Variants in ABCB9 observed in about 807,000 individuals in gnomAD.
ABCB9 encodes the protein ATP binding cassette subfamily B member 9.
Under a neutral mutation model 62.0 loss-of-function variants are expected in ABCB9, and 36 were observed. The observed-to-expected ratio is 0.58, with a 90% CI of 0.45 to 0.77. The LOEUF is 0.77. Ranked by LOEUF, ABCB9 falls within the 30% of genes least tolerant of loss-of-function variation. ABCB9 has a pLI of 0.00. For missense variants in ABCB9, 943 were observed against 1,054.7 expected, an observed-to-expected ratio of 0.89 and a Z score of 1.47; for synonymous variants, 435 against 461.4, an observed-to-expected ratio of 0.94 and a Z score of 0.73.
intron 2 of ABCB9, among the ~76,000 whole-genome samples, chr12:122,954,052 C>T (rs556588127): frequency 2.9e-4 from 44 of 152,006 alleles, no homozygotes; most frequent in African/African-American, 9.9e-4. Flanking sequence ...ACCTGCAATC[C>T]CAGCACTTTG....
chr12:122,957,791 T>C (rs571701366), intron 2 of ABCB9, among the ~76,000 whole-genome samples: 1 of 151,126 alleles, frequency 6.6e-6, no homozygotes, highest in Non-Finnish European at 1.5e-5. Flanking sequence ...TCTGATGTTT[T>C]CTAGTCTATT....
chr12:122,938,081 T>C (rs777272100), intron 9 of ABCB9, among the ~76,000 whole-genome samples: 3 of 152,244 alleles, frequency 2.0e-5, no homozygotes, highest in Non-Finnish European at 4.4e-5. Flanking sequence ...TGACAGAAAC[T>C]ACGGCAGTTG....
chr12:122,974,753 G>T (rs900348790), exon 1 of ABCB9: 1 of 152,844 alleles, frequency 6.5e-6, no homozygotes, highest in African/African-American at 2.4e-5. Flanking sequence ...TGTGGCGGAG[G>T]GACCGGAAGC....
intron 2 of ABCB9, chr12:122,953,036 A>C (rs2036439096): frequency 6.6e-6 from 1 of 152,216 alleles, no homozygotes; most frequent in Non-Finnish European, 1.5e-5. Context: ...AAGTCTTTAC[A>C]ATAGCCCACA....
chr12:122,940,878 G>A lies in ABCB9; in HGVS notation c.1498C>T (p.Leu500=), dbSNP rs759382630. The change falls in exon 8 of 12, where the codon CTG becomes TTG. Residue 500 remains leucine, a synonymous_variant. Transcript: ENST00000280560. This position sits in a 1 kb window ranked among gnomAD's most constrained non-coding sequence, Gnocchi z 4.8. Reference sequence around the variant, plus strand: ...TTCTCAAAGTCCACCCGGCCCTCCAGGTGGTCGGGGGCCAAGCTGCCATCG... The same window carrying A: ...TTCTCAAAGTCCACCCGGCCCTCCAAGTGGTCGGGGGCCAAGCTGCCATCG... ...VHDGSLAPDH[L]EGRVDFENVT... 2 of 1,612,240 alleles carry A rather than the reference G, an allele frequency of 1.2e-6. No individual in the cohort carries two copies. Among genetic ancestry groups the A allele is most frequent in the South Asian group, 2.2e-5 (2 of 90,664 alleles).
chr12:122,936,679 C>A (rs567077472), intron 9 of ABCB9, among the ~76,000 whole-genome samples: 2 of 151,678 alleles, frequency 1.3e-5, no homozygotes, highest in South Asian at 2.1e-4. Flanking sequence ...CCGAGGTGGG[C>A]GGATCACCTG....
In ABCB9 at chr12:122,949,207, G is replaced by A. The variant is rs557347753; in HGVS notation, c.848-378C>T. ...GGGAAATAACAACCTGGCTGGTGGC[G>A]GGCAGGAAAGCGCAGACACTTCTTA... On this transcript the variant is annotated intron_variant, in intron 4 of 11. Coordinates refer to ENST00000280560, the MANE Select transcript of ABCB9 (RefSeq NM_019625.4). 119 of 182,702 alleles carry A rather than the reference G, an allele frequency of 6.5e-4. 1 individual carries two copies. The highest frequency in any genetic ancestry group is 2.7e-3 in the African/African-American group (115 of 42,474). The allele number at this position is 182,702 out of a possible 1,614,324, so 11.3% of individuals were successfully genotyped here. A position where few individuals can be genotyped will look rare whatever the true frequency, so the allele number is the denominator to read the frequency against.
At chr12:122,921,162 C>A in intron 11 of ABCB9, 1 of 1,017,262 alleles carries the variant, frequency 9.8e-7, no homozygotes, top group Non-Finnish European at 1.5e-6. Flanking sequence ...CACCTGTAAT[C>A]CCAGCACTTT....
rs1298055705 is a variant in ABCB9, at chr12:122,930,183, G to A, written c.2041-12C>T. 2 of 1,536,754 alleles carry A rather than the reference G, an allele frequency of 1.3e-6. No individual in the cohort carries two copies. The highest frequency in any genetic ancestry group is 1.8e-6 in the Non-Finnish European group (2 of 1,137,128). On this transcript the variant is annotated splice_polypyrimidine_tract_variant and intron_variant, in intron 11 of 11. Transcript: ENST00000280560. The surrounding 1 kb of genome is among the most constrained non-coding windows in gnomAD (Gnocchi z 4.9). ...ATGGCCTGCTGGATCTGCGGGGACA[G>A]TGGGGGCCTGGCTTGCATGGCACGG...
At chr12:122,972,069 GA>G (rs2037277336) in intron 1 of ABCB9, among the ~76,000 whole-genome samples, 1 of 125,336 alleles carries the variant, frequency 8.0e-6, no homozygotes, top group Non-Finnish European at 1.6e-5. Flanking sequence ...TGTTGAGACA[GA>G]GTCTCACTCT....
chr12:122,953,275 T>TGC, intron 2 of ABCB9, among the ~76,000 whole-genome samples: 7 of 151,628 alleles, frequency 4.6e-5, no homozygotes, highest in African/African-American at 1.7e-4. Context: ...TGCAGTGGCA[T>TGC]GATCTCAGCT....
intron 4 of ABCB9, among the ~76,000 whole-genome samples, chr12:122,949,569 T>G (rs958939604): frequency 2.6e-5 from 4 of 152,178 alleles, no homozygotes; most frequent in Non-Finnish European, 1.5e-5. Context: ...TGGCCTGGCC[T>G]GGGCCCCACA....
chr12:122,937,346 G>A (rs2035510953), intron 9 of ABCB9, among the ~76,000 whole-genome samples: 2 of 149,834 alleles, frequency 1.3e-5, no homozygotes, highest in East Asian at 3.9e-4. Flanking sequence ...GCGACAGAGC[G>A]AGACTCCATC....
chr12:122,940,115 C>A lies in ABCB9; in HGVS notation c.1739G>T (p.Arg580Leu). ...ISAYDHKYLH[R>L]VISLVSQEPV... ...GGCCCAGGCCCGTGCACATACCACA[C>A]GGTGCAAGTACTTGTGGTCGTAGGC... The change falls in exon 9 of 12, where the codon CGT (arginine) becomes CTT (leucine). Residue 580 changes from arginine (R) to leucine (L), a missense_variant. Arg to Leu is a moderately radical substitution (Grantham distance 102, BLOSUM62 -2). Coordinates refer to ENST00000280560, the MANE Select transcript of ABCB9 (RefSeq NM_019625.4). This position sits in a 1 kb window ranked among gnomAD's most constrained non-coding sequence, Gnocchi z 4.8. The A allele has an allele frequency of 6.2e-7, 1 of 1,610,262 alleles. No homozygotes were observed. The highest frequency in any genetic ancestry group is 8.5e-7 in the Non-Finnish European group (1 of 1,178,462).
At chr12:122,920,965 G>A (rs2135727703) in exon 12 of ABCB9, 1 of 1,502,636 alleles carries the variant, frequency 6.7e-7, no homozygotes, top group Middle Eastern at 1.7e-4. Flanking sequence ...CACTGAAAAT[G>A]TTTTATACCT....
downstream of ABCB9, among the ~76,000 whole-genome samples, chr12:122,919,622 G>C (rs1024149788): frequency 2.0e-5 from 3 of 152,086 alleles, no homozygotes; most frequent in South Asian, 2.1e-4. Flanking sequence ...CCTCTCCCAA[G>C]TCACTCTCTT....
chr12:122,920,859 G>A, downstream of ABCB9: 2 of 619,498 alleles, frequency 3.2e-6, no homozygotes, highest in Non-Finnish European at 5.6e-6. Context: ...GTTGCAGTGA[G>A]GTGAGATCGT....
chr12:122,948,558 C>CAAA, intron 5 of ABCB9, 66 bp downstream of exon 5: 1 of 1,454,144 alleles, frequency 6.9e-7, no homozygotes, highest in Non-Finnish European at 9.2e-7. Flanking sequence ...CCCCTGAGCC[C>CAAA]CTCCTAAGGG....
chr12:122,959,575 C>T lies in ABCB9; in HGVS notation c.601+60G>A, dbSNP rs2036780714. 1.3e-6 allele frequency: 2 copies of T among 1,508,308 alleles called. No individual in the cohort carries two copies. The highest frequency in any genetic ancestry group is 1.8e-6 in the Non-Finnish European group (2 of 1,128,214). 93.4% of individuals were successfully genotyped at this position (1,508,308 alleles called of 1,614,324 possible). On this transcript the variant is annotated intron_variant, in intron 2 of 11. Coordinates refer to ENST00000280560, the MANE Select transcript of ABCB9 (RefSeq NM_019625.4). The surrounding 1 kb of genome is among the most constrained non-coding windows in gnomAD (Gnocchi z 5.4). ...AAGTAAAATCTTTTAAAATCTAAGG[C>T]AGTCATATCCACCTAATTTGATGTT...
Sources: allele counts gnomAD v4.1 joint callset (sites outside exome capture counted in the v4.1 genomes callset), GRCh38; gene constraint gnomAD v4.1.1; non-coding constraint Gnocchi (gnomAD v3.1); transcripts MANE v1.5; gene names NCBI Gene and HGNC (gene_info 2026-07-23, HGNC 2026-07-21).